Variants in SDK1 observed in about 807,000 individuals in gnomAD.
SDK1 encodes sidekick cell adhesion molecule 1, also known as protein sidekick-1.
Under a neutral mutation model 245.5 loss-of-function variants are expected in SDK1, and 157 were observed. That is an observed-to-expected ratio of 0.64 (90% CI 0.56 to 0.73). The LOEUF is 0.73. Ranked by LOEUF, SDK1 falls within the 30% of genes least tolerant of loss-of-function variation. SDK1 has a pLI of 0.00. For synonymous variants in SDK1, 1,647 were observed against 1,278.5 expected (o/e 1.29, Z -6.15); for missense variants, 3,583 against 3,002.3 (o/e 1.19, Z -4.52).
At position 3,645,863 on chromosome 7, in the gene SDK1, TA is replaced by T. The variant is rs201598423; in HGVS notation, c.713+3759del. 6.5e-4 allele frequency among the ~76,000 whole-genome samples: 98 copies of T among 151,314 alleles called. 1 individual carries two copies. The highest frequency in any genetic ancestry group is 8.0e-4 in the Non-Finnish European group (54 of 67,550). The stretch of plus-strand genomic sequence containing the variant: ...GAAGTTTCTGCACCTATTTTTTTTT[TA>T]TTTTTATTTTTTGAGATGGAGTCTT... On this transcript the variant is annotated intron_variant, in intron 4 of 44. Transcript: ENST00000404826.
At chr7:4,064,610 C>A (rs933730836) in intron 19 of SDK1, among the ~76,000 whole-genome samples, 3 of 152,066 alleles carry the variant, frequency 2.0e-5, no homozygotes, top group African/African-American at 7.2e-5. Context: ...ATACCCATAC[C>A]CCATGCTTAC....
At chr7:3,775,284 A>G (rs1183869692) in intron 4 of SDK1, among the ~76,000 whole-genome samples, 1 of 152,172 alleles carries the variant, frequency 6.6e-6, no homozygotes, top group East Asian at 1.9e-4. Flanking sequence ...GTTGGACCAT[A>G]TGTAATTGTC....
intron 4 of SDK1, among the ~76,000 whole-genome samples, chr7:3,782,442 A>G (rs1161557141): frequency 6.6e-6 from 1 of 152,234 alleles, no homozygotes; most frequent in Non-Finnish European, 1.5e-5. Context: ...TAAATGTGAA[A>G]TCATATCAAC....
rs985446810 is a variant in SDK1 at position 3,319,907 on chromosome 7, T to C, written c.298+18023T>C. ...TTTTTTTTTTTTTTGCATTTGCTTTTCTGAAAATTTGAGCATTGAAAGGGA... is the reference window on the plus strand; with the variant it reads ...TTTTTTTTTTTTTTGCATTTGCTTTCCTGAAAATTTGAGCATTGAAAGGGA... On this transcript the variant is annotated intron_variant, in intron 1 of 44. Transcript: ENST00000404826. Among the ~76,000 whole-genome samples the C allele has an allele frequency of 5.0e-5, 7 of 141,086 alleles. No individual in the cohort carries two copies. In the South Asian group the frequency reaches 1.6e-3, roughly 31 times the overall value. 92.6% of individuals were successfully genotyped at this position (141,086 alleles called of 152,430 possible). A position where few individuals can be genotyped will look rare whatever the true frequency, so the allele number is the denominator to read the frequency against.
intron 38 of SDK1, among the ~76,000 whole-genome samples, chr7:4,217,278 CACCCGGAGAACCACACT>C (rs1784864807): frequency 7.3e-6 from 1 of 136,776 alleles, no homozygotes; most frequent in African/African-American, 2.7e-5. Context: ...AGCACCAGGC[CACCCGGAGAACCACACT>C]ACCTGGAGAA....
chr7:3,378,788 G>T (rs1300245679), intron 1 of SDK1, among the ~76,000 whole-genome samples: 2 of 148,122 alleles, frequency 1.4e-5, no homozygotes, highest in African/African-American at 5.1e-5. Flanking sequence ...GCGGGGCAGG[G>T]TATTCACTCT....
intron 5 of SDK1, among the ~76,000 whole-genome samples, chr7:3,892,809 G>A (rs188995670): frequency 6.6e-5 from 10 of 152,304 alleles, no homozygotes; most frequent in Non-Finnish European, 1.5e-4. Flanking sequence ...CCGGAAAGCT[G>A]AGTTCCTCTT....
At position 3,987,336 on chromosome 7, in the gene SDK1, T is replaced by A; in HGVS notation, c.2131+14T>A. The A allele has an allele frequency of 6.2e-7, 1 of 1,612,832 alleles. No individual in the cohort carries two copies. Among genetic ancestry groups the A allele is most frequent in the East Asian group, 2.2e-5 (1 of 44,878 alleles). On this transcript the variant is annotated intron_variant, in intron 14 of 44. Transcript: ENST00000404826. Reference sequence around the variant, plus strand: ...TCTCTGAAAACAGTAAGTAGCAAAATGAAACTGTCACCATGGACGATAATC... The same window carrying A: ...TCTCTGAAAACAGTAAGTAGCAAAAAGAAACTGTCACCATGGACGATAATC...
chr7:3,512,214 A>G (rs1782603397), intron 1 of SDK1, among the ~76,000 whole-genome samples: 1 of 152,106 alleles, frequency 6.6e-6, no homozygotes, highest in South Asian at 2.1e-4. Context: ...ATCATACAGA[A>G]TATAGACTTT....
intron 5 of SDK1, among the ~76,000 whole-genome samples, chr7:3,851,013 A>T (rs2115102208): frequency 6.6e-6 from 1 of 152,372 alleles, no homozygotes; most frequent in African/African-American, 2.4e-5. Context: ...ATAACAAAAA[A>T]AAAAGAAGAC....
chr7:4,147,697 A>C (rs1241134680), intron 29 of SDK1, among the ~76,000 whole-genome samples: 2 of 152,160 alleles, frequency 1.3e-5, no homozygotes, highest in African/African-American at 2.4e-5. Context: ...AATGTAAAGC[A>C]CATGGAAGGG....
chr7:4,113,056 GC>G (rs1406210892), intron 23 of SDK1, among the ~76,000 whole-genome samples: 1 of 152,086 alleles, frequency 6.6e-6, no homozygotes, highest in Non-Finnish European at 1.5e-5. Context: ...GCCACCGCCT[GC>G]CTTGGCCTCC....
At chr7:3,304,493 G>C (rs973882347) in intron 1 of SDK1, among the ~76,000 whole-genome samples, 2 of 152,202 alleles carry the variant, frequency 1.3e-5, no homozygotes, top group Non-Finnish European at 2.9e-5. Flanking sequence ...CCTAGATTCA[G>C]CTTGCATTCC....
chr7:3,833,146 G>T (rs1218118338), intron 5 of SDK1, among the ~76,000 whole-genome samples: 2 of 152,126 alleles, frequency 1.3e-5, no homozygotes, highest in Non-Finnish European at 2.9e-5. Flanking sequence ...AAAACTGGAA[G>T]TGCGGAACTC....
chr7:4,079,334 T>C, intron 21 of SDK1, 129 bp from the exon 22 acceptor site: 1 of 1,170,098 alleles, frequency 8.5e-7, no homozygotes, highest in Non-Finnish European at 1.2e-6. Context: ...TTCATGGTTT[T>C]GAGAGCAAAT....
chr7:3,765,697 C>T (rs1016591065), intron 4 of SDK1, among the ~76,000 whole-genome samples: 1 of 152,194 alleles, frequency 6.6e-6, no homozygotes, highest in Admixed American at 6.5e-5. Context: ...TCAGAATTTA[C>T]ATATTGAAAT....
At chr7:3,484,950 C>T (rs1483719285) in intron 1 of SDK1, among the ~76,000 whole-genome samples, 1 of 152,136 alleles carries the variant, frequency 6.6e-6, no homozygotes, top group East Asian at 1.9e-4. Flanking sequence ...GTGAATGGAG[C>T]TGTAGTAAAC....
chr7:3,750,896 G>C (rs1274968774), intron 4 of SDK1, among the ~76,000 whole-genome samples: 1 of 152,214 alleles, frequency 6.6e-6, no homozygotes, highest in African/African-American at 2.4e-5. Context: ...ACTGTGCCTG[G>C]ATGTAGCGCT....
intron 1 of SDK1, among the ~76,000 whole-genome samples, chr7:3,365,753 C>G (rs1002431274): frequency 2.6e-5 from 4 of 152,040 alleles, no homozygotes; most frequent in African/African-American, 9.7e-5. Context: ...TTTTTCCAGG[C>G]TGGGCGTGGT....
Sources: gnomAD v4.1 joint callset for allele counts (sites outside exome capture counted in the v4.1 genomes callset) on GRCh38, gnomAD v4.1.1 for gene constraint, MANE v1.5 for transcripts, NCBI Gene and HGNC (gene_info 2026-07-23, HGNC 2026-07-21) for gene names.